The following HAVCR1 variants were observed in gnomAD, a reference collection of about 807,000 sequenced individuals.
HAVCR1 encodes the protein T cell immunoglobin domain and mucin domain protein 1.
Under a neutral mutation model 32.0 loss-of-function variants are expected in HAVCR1, and 34 were observed. That is an observed-to-expected ratio of 1.06 (90% CI 0.81 to 1.42). The LOEUF (loss-of-function observed/expected upper bound fraction) is 1.42, where lower values mean the gene tolerates loss of function less well. HAVCR1 is among the 40% of genes most tolerant of loss of function. The pLI, the probability that HAVCR1 is intolerant of heterozygous loss-of-function variation, is 0.00. For missense variants in HAVCR1, 420 were observed against 442.3 expected, an observed-to-expected ratio of 0.95 and a Z score of 0.45; for synonymous variants, 178 against 170.3, an observed-to-expected ratio of 1.05 and a Z score of -0.35.
chr5:157,047,255 A>G (rs969087994), intron 5 of HAVCR1, among the ~76,000 whole-genome samples: 1 of 152,126 alleles, frequency 6.6e-6, no homozygotes, highest in Non-Finnish European at 1.5e-5. Flanking sequence ...TGAAGTTTCC[A>G]TAAAAACCCA....
intron 8 of HAVCR1, among the ~76,000 whole-genome samples, chr5:157,030,367 T>G (rs1754101455): frequency 6.6e-6 from 1 of 152,234 alleles, no homozygotes; most frequent in African/African-American, 2.4e-5. Flanking sequence ...TGGATCATAG[T>G]GTTAAAAATC....
At chr5:157,050,802 A>G (rs1434158499) in intron 4 of HAVCR1, among the ~76,000 whole-genome samples, 2 of 152,204 alleles carry the variant, frequency 1.3e-5, no homozygotes, top group Non-Finnish European at 2.9e-5. Context: ...CAAAACTTTT[A>G]TGGCTCTAAA....
chr5:157,033,529 A>G (rs1170340458), intron 7 of HAVCR1, among the ~76,000 whole-genome samples: 1 of 130,756 alleles, frequency 7.6e-6, no homozygotes, highest in African/African-American at 2.9e-5. Flanking sequence ...TGTTGTTGTC[A>G]ATCCTTTCCC....
At chr5:157,033,613 A>C (rs909250865) in intron 7 of HAVCR1, among the ~76,000 whole-genome samples, 2 of 151,954 alleles carry the variant, frequency 1.3e-5, no homozygotes, top group Non-Finnish European at 2.9e-5. Flanking sequence ...ACTGATGCAC[A>C]TCACAGGAAG....
intron 5 of HAVCR1, among the ~76,000 whole-genome samples, chr5:157,043,472 G>A (rs1397349203): frequency 1.3e-5 from 2 of 152,178 alleles, no homozygotes; most frequent in Admixed American, 6.5e-5. Flanking sequence ...TTCAAGACCA[G>A]CCTGGCCAAC....
At chr5:157,045,690 G>C (rs1755354365) in intron 5 of HAVCR1, among the ~76,000 whole-genome samples, 1 of 152,130 alleles carries the variant, frequency 6.6e-6, no homozygotes, top group Admixed American at 6.6e-5. Context: ...GTCAAAGGTG[G>C]GTAGTGGGCC....
At position 157,029,522 on chromosome 5, in the gene HAVCR1, C is replaced by T. The variant is rs1754038287; in HGVS notation, c.*211G>A. On this transcript the variant is annotated 3_prime_UTR_variant, in exon 9 of 9. Transcript: ENST00000523175. ...ATCAGAAGGATTGAGCCAGTTTTAG[C>T]ATAAAAAATTAGGACTACATTAATG... 15 of 1,205,108 alleles carry T rather than the reference C, an allele frequency of 1.2e-5. No individual in the cohort carries two copies. The highest frequency in any genetic ancestry group is 1.6e-5 in the Non-Finnish European group (14 of 850,402). The allele number at this position is 1,205,108 out of a possible 1,614,324, so 74.7% of individuals were successfully genotyped here. A position where few individuals can be genotyped will look rare whatever the true frequency, so the allele number is the denominator to read the frequency against.
chr5:157,066,668 T>C, the HAVCR1 span, among the ~76,000 whole-genome samples: 256 of 152,208 alleles, frequency 1.7e-3, 1 homozygote, highest in African/African-American at 5.5e-3. Context: ...TGTGATCCTT[T>C]GTCCAAGTAG....
At position 157,049,095 on chromosome 5, in the gene HAVCR1, G is replaced by A; in HGVS notation, c.724C>T (p.Leu242=). ...GGTTCTCTCCTTATTGCTCCCTGCAGTGTCGTAGGGTGGGTTTCTGCTGGC... is the reference window on the plus strand; with the variant it reads ...GGTTCTCTCCTTATTGCTCCCTGCAATGTCGTAGGGTGGGTTTCTGCTGGC... ...PQPAETHPTT[L]QGAIRREPTS... is the part of the protein sequence containing the mutation. The change falls in exon 5 of 9, where the codon CTG becomes TTG. Residue 242 remains leucine, a synonymous_variant. Transcript: ENST00000523175. 1 of 1,613,066 alleles carries A rather than the reference G, an allele frequency of 6.2e-7. No homozygotes were observed. Among genetic ancestry groups the A allele is most frequent in the Non-Finnish European group, 8.5e-7 (1 of 1,179,032 alleles).
At position 157,044,676 on chromosome 5, in the gene HAVCR1, A is replaced by AGAAGGGAG. The variant is rs142603344; in HGVS notation, c.782-1995_782-1994insCTCCCTTC. On this transcript the variant is annotated intron_variant, in intron 5 of 8. Coordinates refer to ENST00000523175, the MANE Select transcript of HAVCR1 (RefSeq NM_001173393.3). ...AAGAAAGAAAGAAAGAAAGAAAGAA[A>AGAAGGGAG]GGAGGGAGGGAGGAAGGAAGGAAGG... 9.1e-5 allele frequency among the ~76,000 whole-genome samples: 10 copies of AGAAGGGAG among 109,454 alleles called. 1 individual carries two copies. The highest frequency in any genetic ancestry group is 7.3e-4 in the South Asian group (2 of 2,754). The allele number at this position is 109,454 out of a possible 152,430, so 71.8% of individuals were successfully genotyped here.
At chr5:157,034,300 GA>G (rs1754395138) in intron 7 of HAVCR1, among the ~76,000 whole-genome samples, 1 of 151,904 alleles carries the variant, frequency 6.6e-6, no homozygotes, top group South Asian at 2.1e-4. Context: ...TAAGTTTAAG[GA>G]AAGGTGCTGT....
intron 6 of HAVCR1, among the ~76,000 whole-genome samples, chr5:157,041,658 T>C (rs1327857691): frequency 2.0e-5 from 3 of 152,242 alleles, no homozygotes; most frequent in African/African-American, 7.2e-5. Flanking sequence ...ACTTACATTT[T>C]ACTTTTGTTT....
intron 5 of HAVCR1, among the ~76,000 whole-genome samples, chr5:157,048,273 C>T (rs989418999): frequency 6.6e-6 from 1 of 152,046 alleles, no homozygotes; most frequent in Non-Finnish European, 1.5e-5. Context: ...AAGGCCCTGG[C>T]CCAAGGAATC....
chr5:157,059,675 CAAAAAT>C (rs938270681), upstream of HAVCR1, among the ~76,000 whole-genome samples: 10 of 152,092 alleles, frequency 6.6e-5, no homozygotes, highest in African/African-American at 2.2e-4. Context: ...AACTCCATCT[CAAAAAT>C]AAAAATAAAA....
chr5:157,061,216 T>C (rs1382089571), upstream of HAVCR1, among the ~76,000 whole-genome samples: 1 of 152,164 alleles, frequency 6.6e-6, no homozygotes, highest in Admixed American at 6.6e-5. Context: ...TTTATTTAAT[T>C]TCATTTTAAT....
the HAVCR1 span, among the ~76,000 whole-genome samples, chr5:157,065,612 T>C: frequency 4.6e-5 from 7 of 152,122 alleles, no homozygotes; most frequent in East Asian, 1.4e-3. Flanking sequence ...CTTAGCACTT[T>C]AGGAGACCAA....
the HAVCR1 span, among the ~76,000 whole-genome samples, chr5:157,065,320 T>C: frequency 0.071 from 9,851 of 139,014 alleles, 886 homozygotes; most frequent in African/African-American, 0.22. Flanking sequence ...AAAAAAAAAA[T>C]GGTATTTTAA....
Position 157,029,727 on chromosome 5 carries a change from T to G in HAVCR1, c.*6A>C. ...GGCGTAAACTCTCAAAGAGCACCAC[T>G]GGGTCTTAGTCCGTGGCATAAAGAC... On this transcript the variant is annotated 3_prime_UTR_variant, in exon 9 of 9. Transcript: ENST00000523175. The G allele has an allele frequency of 6.2e-7, 1 of 1,613,014 alleles. No individual in the cohort carries two copies. The highest frequency in any genetic ancestry group is 8.5e-7 in the Non-Finnish European group (1 of 1,179,836).
the HAVCR1 span, among the ~76,000 whole-genome samples, chr5:157,064,525 C>T: frequency 7.9e-5 from 12 of 151,976 alleles, no homozygotes; most frequent in African/African-American, 2.9e-4. Flanking sequence ...CCAAGGATTT[C>T]GGCCTGAGCC....
Sources: allele counts gnomAD v4.1 joint callset (sites outside exome capture counted in the v4.1 genomes callset), GRCh38; gene constraint gnomAD v4.1.1; transcripts MANE v1.5; gene names NCBI Gene and HGNC (gene_info 2026-07-23, HGNC 2026-07-21).